Variants in HDAC8 observed in about 807,000 individuals in gnomAD.
HDAC8 encodes the protein histone deacetylase-like 1.
Under a neutral mutation model 32.2 loss-of-function variants are expected in HDAC8, and 1 was observed. The ratio of observed to expected loss-of-function variants is 0.03; its 90% CI spans 0.01 to 0.15. The LOEUF is 0.15. Ranked by LOEUF, HDAC8 falls within the 10% of genes least tolerant of loss-of-function variation. HDAC8 has a pLI of 1.00. For synonymous variants in HDAC8, 108 were observed against 113.9 expected (o/e 0.95, Z 0.33); for missense variants, 117 against 300.0 (o/e 0.39, Z 4.51).
At chrX:72,519,206 C>G (rs782624455) in intron 4 of HDAC8, among the ~76,000 whole-genome samples, 1 of 112,205 alleles carries the variant, frequency 8.9e-6, no homozygotes, top group Admixed American at 9.4e-5. Context: ...TATACATCCA[C>G]TAGTTGATGG....
chrX:72,383,835 A>C (rs2045341329), intron 9 of HDAC8, among the ~76,000 whole-genome samples: 1 of 97,473 alleles, frequency 1.0e-5, no homozygotes, highest in Non-Finnish European at 2.0e-5. Context: ...ACGCCACTGC[A>C]CTCCAGCCTG....
intron 9 of HDAC8, among the ~76,000 whole-genome samples, chrX:72,383,827 G>T: frequency 1.1e-5 from 1 of 94,961 alleles, no homozygotes; most frequent in Admixed American, 1.3e-4. Flanking sequence ...CCAAGATCAC[G>T]CCACTGCACT....
chrX:72,490,841 C>A, intron 6 of HDAC8, 88 bp downstream of exon 6: 2 of 700,006 alleles, frequency 2.9e-6, no homozygotes, highest in Non-Finnish European at 4.4e-6. Flanking sequence ...AAGGCATTAA[C>A]AGCATGGAAC....
intron 7 of HDAC8, among the ~76,000 whole-genome samples, chrX:72,482,598 AT>A (rs1257476447): frequency 1.1e-5 from 1 of 93,511 alleles, no homozygotes; most frequent in Non-Finnish European, 2.4e-5. Flanking sequence ...AATGGTTTCT[AT>A]TTTGGGGGGG....
intron 4 of HDAC8, among the ~76,000 whole-genome samples, chrX:72,529,343 G>A (rs2147402134): frequency 8.9e-6 from 1 of 112,043 alleles, no homozygotes; most frequent in South Asian, 3.8e-4. Context: ...GTGTCTTTGT[G>A]AAGGAAGCAG....
chrX:72,512,826 G>A (rs1203212144), intron 4 of HDAC8, among the ~76,000 whole-genome samples: 1 of 111,003 alleles, frequency 9.0e-6, no homozygotes, highest in Non-Finnish European at 1.9e-5. Context: ...AGGTCCCCAT[G>A]CCCACAGGAA....
intron 7 of HDAC8, chrX:72,467,766 C>A (rs191231663): frequency 6.7e-4 from 278 of 412,845 alleles, no homozygotes; most frequent in African/African-American, 6.4e-3. Flanking sequence ...AGGGCTTTTG[C>A]AACCATCCAG....
chrX:72,413,012 G>A (rs188693513), intron 9 of HDAC8, among the ~76,000 whole-genome samples: 108 of 111,142 alleles, frequency 9.7e-4, no homozygotes, highest in African/African-American at 3.4e-3. Context: ...CAAGTTTATC[G>A]GGTACCTAGG....
intron 7 of HDAC8, among the ~76,000 whole-genome samples, chrX:72,481,862 G>A (rs782072730): frequency 4.4e-4 from 48 of 110,254 alleles, no homozygotes; most frequent in African/African-American, 1.5e-3. Flanking sequence ...TGCTCACCTT[G>A]GCCTCCCAAA....
intron 4 of HDAC8, among the ~76,000 whole-genome samples, chrX:72,505,662 C>A (rs1486464658): frequency 1.8e-5 from 2 of 110,727 alleles, no homozygotes; most frequent in Non-Finnish European, 3.8e-5. Flanking sequence ...GGGCATGCAC[C>A]TTTAGTCCTA....
intron 10 of HDAC8, among the ~76,000 whole-genome samples, chrX:72,340,351 C>T (rs1442630893): frequency 9.0e-6 from 1 of 111,596 alleles, no homozygotes. Flanking sequence ...GATGTGCCTT[C>T]TCCACATTTC....
chrX:72,407,848 A>G (rs1475142844), intron 9 of HDAC8, among the ~76,000 whole-genome samples: 1 of 112,474 alleles, frequency 8.9e-6, no homozygotes, highest in East Asian at 2.8e-4. Flanking sequence ...GAAAGGGACC[A>G]GTTAACAAAG....
chrX:72,378,410 C>T (rs2045154901), intron 9 of HDAC8, among the ~76,000 whole-genome samples: 1 of 111,540 alleles, frequency 9.0e-6, no homozygotes, highest in African/African-American at 3.3e-5. Flanking sequence ...ACTCTTTGAC[C>T]TTTTGCCGTG....
chrX:72,572,599 G>GGGCCCCC, intron 1 of HDAC8, 52 bp downstream of exon 1: 1 of 453,101 alleles, frequency 2.2e-6, no homozygotes. Flanking sequence ...TTCGTCCACC[G>GGGCCCCC]CCCCCACCCC....
intron 9 of HDAC8, among the ~76,000 whole-genome samples, chrX:72,443,972 C>T (rs1477927494): frequency 3.5e-4 from 38 of 107,693 alleles, no homozygotes; most frequent in Admixed American, 3.3e-3. Context: ...TACACCCTCC[C>T]AAGACTAAAC....
intron 7 of HDAC8, among the ~76,000 whole-genome samples, chrX:72,468,247 T>A (rs1555995933): frequency 8.9e-6 from 1 of 111,871 alleles, no homozygotes; most frequent in East Asian, 2.8e-4. Flanking sequence ...ACTTAGCTTT[T>A]TGCTCTTGCA....
intron 4 of HDAC8, among the ~76,000 whole-genome samples, chrX:72,541,216 G>C (rs1240001414): frequency 9.1e-6 from 1 of 109,318 alleles, no homozygotes; most frequent in African/African-American, 3.3e-5. Context: ...GCCTCAGTGA[G>C]AAAGTGTTAT....
chrX:72,471,069 T>A (rs1000164679), intron 7 of HDAC8, among the ~76,000 whole-genome samples: 4 of 112,132 alleles, frequency 3.6e-5, no homozygotes, highest in African/African-American at 6.5e-5. Context: ...TCTGTCTCTA[T>A]GAATTTGTCT....
chrX:72,453,806 G>A (rs781831428), intron 9 of HDAC8, among the ~76,000 whole-genome samples: 2 of 112,006 alleles, frequency 1.8e-5, no homozygotes, highest in South Asian at 7.5e-4. Flanking sequence ...AAAGAAATAT[G>A]ACACATATTA....
Sources: allele counts gnomAD v4.1 joint callset (sites outside exome capture counted in the v4.1 genomes callset), GRCh38; gene constraint gnomAD v4.1.1; transcripts MANE v1.5; gene names NCBI Gene and HGNC (gene_info 2026-07-23, HGNC 2026-07-21).